The following NR3C2 variants were observed in gnomAD, a reference collection of about 807,000 sequenced individuals.
NR3C2 encodes nuclear receptor subfamily 3 group C member 2.
In NR3C2, 15 loss-of-function variants were observed where a neutral mutation model predicts 86.4. The observed-to-expected ratio is 0.17, with a 90% CI of 0.12 to 0.27. The LOEUF is 0.27. Ranked by LOEUF, NR3C2 falls within the 10% of genes least tolerant of loss-of-function variation. The pLI is 1.00. For missense variants in NR3C2, 960 were observed against 1,195.6 expected, an observed-to-expected ratio of 0.80 and a Z score of 2.91; for synonymous variants, 458 against 450.5, an observed-to-expected ratio of 1.02 and a Z score of -0.21.
At chr4:148,395,839 C>T (rs1747830268) in intron 2 of NR3C2, among the ~76,000 whole-genome samples, 1 of 152,294 alleles carries the variant, frequency 6.6e-6, no homozygotes, top group Non-Finnish European at 1.5e-5. Context: ...CATATTTTGT[C>T]ATAATGGTTT....
At chr4:148,081,540 T>C (rs1421911810) in intron 8 of NR3C2, 41 bp from the exon 9 acceptor site, 1 of 1,611,128 alleles carries the variant, frequency 6.2e-7, no homozygotes, top group African/African-American at 1.3e-5. Flanking sequence ...GGGGCCTCCT[T>C]TCCGACCCTG....
At chr4:148,187,505 T>C (rs1195643409) in intron 4 of NR3C2, among the ~76,000 whole-genome samples, 1 of 152,224 alleles carries the variant, frequency 6.6e-6, no homozygotes, top group Admixed American at 6.5e-5. Flanking sequence ...ATATCTTCTT[T>C]CGAGAATTGT....
chr4:148,419,951 T>G (rs575748291), intron 2 of NR3C2, among the ~76,000 whole-genome samples: 2 of 152,324 alleles, frequency 1.3e-5, no homozygotes, highest in South Asian at 4.1e-4. Flanking sequence ...TTTTTGAAAC[T>G]GATGTAGGGT....
chr4:148,294,215 T>C (rs1269934261), intron 2 of NR3C2, among the ~76,000 whole-genome samples: 1 of 152,200 alleles, frequency 6.6e-6, no homozygotes, highest in Non-Finnish European at 1.5e-5. Flanking sequence ...TTTCCTCATC[T>C]GCAAAATGGG....
At chr4:148,222,750 A>T (rs1737925590) in intron 3 of NR3C2, among the ~76,000 whole-genome samples, 1 of 152,220 alleles carries the variant, frequency 6.6e-6, no homozygotes, top group Non-Finnish European at 1.5e-5. Context: ...TCAGAGAAGG[A>T]GCAGAGAAGG....
intron 2 of NR3C2, among the ~76,000 whole-genome samples, chr4:148,417,852 C>A (rs1220512494): frequency 1.3e-5 from 2 of 152,128 alleles, no homozygotes; most frequent in South Asian, 4.2e-4. Flanking sequence ...TTTGCAATCA[C>A]CTGCTTAACA....
At chr4:148,256,503 C>T (rs547537796) in intron 3 of NR3C2, among the ~76,000 whole-genome samples, 31 of 152,150 alleles carry the variant, frequency 2.0e-4, no homozygotes, top group South Asian at 4.1e-4. Flanking sequence ...CAGCAATGTT[C>T]GGGTAGGGCA....
At chr4:148,196,178 C>G (rs1192166942) in intron 3 of NR3C2, among the ~76,000 whole-genome samples, 2 of 152,028 alleles carry the variant, frequency 1.3e-5, no homozygotes, top group Non-Finnish European at 2.9e-5. Context: ...GCTGACAGAT[C>G]AGAGGAAATG....
chr4:148,105,646 G>A (rs1290155962), intron 8 of NR3C2, among the ~76,000 whole-genome samples: 3 of 152,032 alleles, frequency 2.0e-5, no homozygotes, highest in East Asian at 1.9e-4. Flanking sequence ...CTAGCAAACC[G>A]AATCCAGCAG....
In NR3C2 at chr4:148,421,963, A is replaced by G. The variant is rs577723106; in HGVS notation, c.1757+13141T>C. On this transcript the variant is annotated intron_variant, in intron 2 of 8. Coordinates refer to ENST00000358102, the MANE Select transcript of NR3C2 (RefSeq NM_000901.5). ...TGAAAATTAGCTCAAAAATAGAGGT[A>G]TTTGCTAATAGACATCCAGTGGCCA... 3.3e-5 allele frequency among the ~76,000 whole-genome samples: 5 copies of G among 152,228 alleles called. No homozygotes were observed. In the East Asian group the frequency reaches 9.7e-4, roughly 29 times the overall value.
At chr4:148,136,043 C>T (rs1183314876) in intron 6 of NR3C2, among the ~76,000 whole-genome samples, 212 of 79,092 alleles carry the variant, frequency 2.7e-3, no homozygotes, top group African/African-American at 0.01. Context: ...GGCGACAGAG[C>T]GAGACTCCGT....
At chr4:148,228,380 A>G (rs1579041443) in intron 3 of NR3C2, among the ~76,000 whole-genome samples, 1 of 152,184 alleles carries the variant, frequency 6.6e-6, no homozygotes, top group African/African-American at 2.4e-5. Flanking sequence ...AAAGCTGCAC[A>G]GTACTCCATT....
chr4:148,381,458 C>A (rs1429931897), intron 2 of NR3C2, among the ~76,000 whole-genome samples: 2 of 152,022 alleles, frequency 1.3e-5, no homozygotes, highest in African/African-American at 4.8e-5. Flanking sequence ...ACTTGCTAGA[C>A]CAAAATAAAA....
intron 2 of NR3C2, among the ~76,000 whole-genome samples, chr4:148,291,709 C>A (rs1208047305): frequency 6.6e-6 from 1 of 152,078 alleles, no homozygotes; most frequent in African/African-American, 2.4e-5. Flanking sequence ...AGAAGCATTT[C>A]CATTCTCAAC....
intron 2 of NR3C2, among the ~76,000 whole-genome samples, chr4:148,349,207 T>G (rs1242608813): frequency 6.6e-6 from 1 of 152,154 alleles, no homozygotes; most frequent in Non-Finnish European, 1.5e-5. Context: ...TTTCACATAC[T>G]CTGTCACCTC....
chr4:148,163,597 C>T (rs567663583), intron 4 of NR3C2, among the ~76,000 whole-genome samples: 1 of 150,746 alleles, frequency 6.6e-6, no homozygotes, highest in African/African-American at 2.4e-5. Context: ...ATCCCACCCC[C>T]ACCCTCCTTT....
At chr4:148,391,146 A>G (rs760475217) in intron 2 of NR3C2, among the ~76,000 whole-genome samples, 6 of 152,208 alleles carry the variant, frequency 3.9e-5, no homozygotes, top group Non-Finnish European at 8.8e-5. Flanking sequence ...GACCTAAATA[A>G]TATCCCACAC....
intron 2 of NR3C2, among the ~76,000 whole-genome samples, chr4:148,412,929 A>G (rs944026751): frequency 1.3e-5 from 2 of 152,218 alleles, no homozygotes; most frequent in African/African-American, 4.8e-5. Flanking sequence ...GAGCAGAAAT[A>G]CATATCACTT....
At chr4:148,324,335 G>T (rs940163380) in intron 2 of NR3C2, among the ~76,000 whole-genome samples, 45 of 72,084 alleles carry the variant, frequency 6.2e-4, no homozygotes, top group African/African-American at 3.0e-3. Context: ...ATTCCTCTGT[G>T]TGTGTGTGTG....
Sources: gnomAD v4.1 joint callset for allele counts (sites outside exome capture counted in the v4.1 genomes callset) on GRCh38, gnomAD v4.1.1 for gene constraint, MANE v1.5 for transcripts, NCBI Gene and HGNC (gene_info 2026-07-23, HGNC 2026-07-21) for gene names.